Variants in OPCML observed in about 807,000 individuals in gnomAD.
OPCML encodes opioid binding protein/cell adhesion molecule like.
OPCML carries 13 observed loss-of-function variants against 37.8 expected under a neutral mutation model. That is an observed-to-expected ratio of 0.34 (90% CI 0.22 to 0.55). The LOEUF (loss-of-function observed/expected upper bound fraction) is 0.55, where lower values mean the gene tolerates loss of function less well. Ranked by LOEUF, OPCML falls within the 20% of genes least tolerant of loss-of-function variation. The pLI, the probability that OPCML is intolerant of heterozygous loss-of-function variation, is 0.91. For synonymous variants in OPCML, 176 were observed against 168.8 expected, an observed-to-expected ratio of 1.04 and a Z score of -0.33; for missense variants, 341 against 435.6, an observed-to-expected ratio of 0.78 and a Z score of 1.93.
intron 2 of OPCML, among the ~76,000 whole-genome samples, chr11:132,837,257 T>A (rs1230618863): frequency 6.6e-6 from 1 of 152,074 alleles, no homozygotes; most frequent in African/African-American, 2.4e-5. Context: ...GAGGTTGCGG[T>A]GACCGAGATC....
chr11:132,471,825 C>A (rs1260895874), intron 4 of OPCML, among the ~76,000 whole-genome samples: 1 of 152,190 alleles, frequency 6.6e-6, no homozygotes, highest in African/African-American at 2.4e-5. Context: ...AATCTAGGCT[C>A]TCTTGTAGCT....
chr11:133,271,199 C>A (rs545656128), intron 1 of OPCML, among the ~76,000 whole-genome samples: 19 of 152,200 alleles, frequency 1.2e-4, no homozygotes, highest in Non-Finnish European at 2.4e-4. Flanking sequence ...TACCTCAAAA[C>A]ATTTTTATAG....
rs1462022324 is a variant in OPCML, at chr11:132,523,490, T to C, written c.505+5571A>G. Among the ~76,000 whole-genome samples, 6 of 144,196 alleles carry C rather than the reference T, an allele frequency of 4.2e-5. No individual in the cohort carries two copies. In the South Asian group the frequency reaches 8.7e-4, roughly 21 times the overall value. 94.6% of individuals were successfully genotyped at this position (144,196 alleles called of 152,430 possible). On this transcript the variant is annotated intron_variant, in intron 4 of 7. Transcript: ENST00000524381. ...TTTAGGACTAATCAACTTAGTTTTA[T>C]GGATTCTTGCTCAAGACAAATTAGA... is the stretch of plus-strand genomic sequence containing the variant.
At chr11:132,898,924 G>C (rs548299839) in intron 2 of OPCML, among the ~76,000 whole-genome samples, 2 of 149,910 alleles carry the variant, frequency 1.3e-5, no homozygotes, top group Non-Finnish European at 2.9e-5. Context: ...TGACTGATCC[G>C]GATCAGGAAG....
At chr11:132,681,125 T>C (rs548320286) in intron 2 of OPCML, among the ~76,000 whole-genome samples, 45 of 152,252 alleles carry the variant, frequency 3.0e-4, no homozygotes, top group African/African-American at 1.1e-3. Flanking sequence ...GCAGGACTTG[T>C]CTCCAAAATC....
At chr11:132,894,020 T>C (rs1212134067) in intron 2 of OPCML, among the ~76,000 whole-genome samples, 4 of 152,188 alleles carry the variant, frequency 2.6e-5, no homozygotes, top group Non-Finnish European at 5.9e-5. Context: ...ACTACTCTTG[T>C]TCCTTCCATC....
intron 1 of OPCML, among the ~76,000 whole-genome samples, chr11:133,095,275 A>ATTTT (rs1214349245): frequency 2.0e-5 from 2 of 97,770 alleles, no homozygotes; most frequent in South Asian, 3.7e-4. Flanking sequence ...TTTAATGTAA[A>ATTTT]TGTTTTTTTT....
intron 4 of OPCML, among the ~76,000 whole-genome samples, chr11:132,475,022 T>G (rs1052946490): frequency 2.0e-5 from 3 of 152,228 alleles, no homozygotes; most frequent in Admixed American, 6.5e-5. Flanking sequence ...ATACTGCTAG[T>G]TATTTCACCA....
chr11:133,053,993 G>T (rs4373939), intron 1 of OPCML, among the ~76,000 whole-genome samples: 32,676 of 152,044 alleles, frequency 0.21, 4,128 homozygotes, highest in East Asian at 0.48. Flanking sequence ...CTCAATCTTG[G>T]TAAACACCAT....
At chr11:132,712,058 C>T (rs1366251219) in intron 2 of OPCML, among the ~76,000 whole-genome samples, 1 of 152,184 alleles carries the variant, frequency 6.6e-6, no homozygotes, top group African/African-American at 2.4e-5. Context: ...GTCATATTCC[C>T]TCACCCTCTA....
At position 133,140,838 on chromosome 11, in the gene OPCML, AGAC is replaced by A. The variant is rs1555102462; in HGVS notation, c.62-197831_62-197829del. On this transcript the variant is annotated intron_variant, in intron 1 of 7. Coordinates refer to ENST00000524381, the MANE Select transcript of OPCML (RefSeq NM_001012393.5). ...ACGAAGAAGAAGACGACGACGAAGA[AGAC>A]GACGACGACGACGAAGAAGACGACG... Among the ~76,000 whole-genome samples, 40 of 22,468 alleles carry A rather than the reference AGAC, an allele frequency of 1.8e-3. 13 individuals are homozygous for A. The highest frequency in any genetic ancestry group is 4.1e-3 in the Non-Finnish European group (22 of 5,316). 14.7% of individuals were successfully genotyped at this position (22,468 alleles called of 152,430 possible). A position where few individuals can be genotyped will look rare whatever the true frequency, so the allele number is the denominator to read the frequency against.
intron 1 of OPCML, among the ~76,000 whole-genome samples, chr11:133,291,832 C>A (rs1408913510): frequency 6.6e-6 from 1 of 152,180 alleles, no homozygotes; most frequent in Non-Finnish European, 1.5e-5. Flanking sequence ...TCAGGTGGTT[C>A]TTTTCAAGCT....
At chr11:133,330,753 T>C (rs1943600194) in intron 1 of OPCML, among the ~76,000 whole-genome samples, 1 of 151,962 alleles carries the variant, frequency 6.6e-6, no homozygotes, top group Admixed American at 6.6e-5. Flanking sequence ...AGTTAATGGG[T>C]GCAGCACACC....
chr11:132,615,483 A>G (rs973718238), intron 3 of OPCML, among the ~76,000 whole-genome samples: 12 of 152,204 alleles, frequency 7.9e-5, no homozygotes, highest in African/African-American at 2.9e-4. Context: ...CACAGATTTA[A>G]CCAACCACAG....
chr11:133,182,711 C>A (rs1325699496), intron 1 of OPCML, among the ~76,000 whole-genome samples: 3 of 152,150 alleles, frequency 2.0e-5, no homozygotes, highest in Admixed American at 6.5e-5. Flanking sequence ...GCAAGGAAAA[C>A]AAAGTGAAAT....
intron 1 of OPCML, among the ~76,000 whole-genome samples, chr11:132,975,187 A>G (rs1946430884): frequency 6.6e-6 from 1 of 152,152 alleles, no homozygotes; most frequent in South Asian, 2.1e-4. Context: ...AGGATAATAA[A>G]TAAGAAAGAA....
intron 1 of OPCML, chr11:133,422,159 G>GT (rs1244317894): frequency 1.8e-5 from 16 of 911,116 alleles, no homozygotes; most frequent in Admixed American, 6.4e-5. Flanking sequence ...TTGTTTGTTT[G>GT]TTGTTGTTGT....
chr11:132,436,853 G>A lies in OPCML; in HGVS notation c.644-74C>T, dbSNP rs2096014951. 2.4e-5 allele frequency: 37 copies of A among 1,560,800 alleles called. No homozygotes were observed. In the South Asian group the frequency reaches 4.2e-4, roughly 18 times the overall value. ...CACAGAGTGATTTCGTGAAAGAGATGAAGGGCACATCCAGCCATTTGCTAT... is the reference window on the plus strand; with the variant it reads ...CACAGAGTGATTTCGTGAAAGAGATAAAGGGCACATCCAGCCATTTGCTAT... On this transcript the variant is annotated intron_variant, in intron 5 of 7. Transcript: ENST00000524381.
intron 1 of OPCML, among the ~76,000 whole-genome samples, chr11:133,288,698 C>G (rs1054394945): frequency 1.3e-5 from 2 of 152,144 alleles, no homozygotes; most frequent in African/African-American, 4.8e-5. Context: ...GAGGGAAAAG[C>G]CCCTGAACAC....
Sources: allele counts gnomAD v4.1 joint callset (sites outside exome capture counted in the v4.1 genomes callset), GRCh38; gene constraint gnomAD v4.1.1; transcripts MANE v1.5; gene names NCBI Gene and HGNC (gene_info 2026-07-23, HGNC 2026-07-21).